PRKG1: variants seen among roughly 807,000 people sequenced by gnomAD.
The protein encoded by PRKG1 is protein kinase cGMP-dependent 1.
Under a neutral mutation model 88.1 loss-of-function variants are expected in PRKG1, and 35 were observed. The observed-to-expected ratio is 0.40, with a 90% CI of 0.30 to 0.53. The LOEUF (loss-of-function observed/expected upper bound fraction) is 0.53. Ranked by LOEUF, PRKG1 falls within the 20% of genes least tolerant of loss-of-function variation. The probability of loss-of-function intolerance (pLI) is 0.59; values close to 1 mark genes in which losing one functional copy is unlikely to be tolerated. For synonymous variants in PRKG1, 303 were observed against 292.5 expected (o/e 1.04, Z -0.37); for missense variants, 540 against 839.8 (o/e 0.64, Z 4.41).
At chr10:51,450,932 T>G (rs559698616) in intron 2 of PRKG1, among the ~76,000 whole-genome samples, 19 of 152,030 alleles carry the variant, frequency 1.2e-4, no homozygotes, top group African/African-American at 4.3e-4. Flanking sequence ...ATGAATAAAG[T>G]TAAACATTTT....
At chr10:51,048,871 CA>C (rs1166873217) in intron 1 of PRKG1, among the ~76,000 whole-genome samples, 2 of 150,606 alleles carry the variant, frequency 1.3e-5, no homozygotes. Context: ...TTTTTCTAAA[CA>C]AGTCTGTAAT....
chr10:51,293,819 G>C (rs974327650), intron 2 of PRKG1, among the ~76,000 whole-genome samples: 1 of 152,052 alleles, frequency 6.6e-6, no homozygotes, highest in Non-Finnish European at 1.5e-5. Flanking sequence ...GGCTATACCA[G>C]TTTACATTCC....
intron 1 of PRKG1, among the ~76,000 whole-genome samples, chr10:51,138,380 A>G (rs995017624): frequency 2.6e-5 from 4 of 152,190 alleles, no homozygotes; most frequent in African/African-American, 9.6e-5. Flanking sequence ...AATGAGGCTT[A>G]TATGATGCCA....
intron 2 of PRKG1, among the ~76,000 whole-genome samples, chr10:51,396,113 C>T (rs1046014098): frequency 6.6e-6 from 1 of 152,144 alleles, no homozygotes; most frequent in Non-Finnish European, 1.5e-5. Context: ...GGCCTAGCTG[C>T]CATGGCTAAT....
At chr10:52,022,596 T>G (rs1185870596) in intron 5 of PRKG1, among the ~76,000 whole-genome samples, 1 of 152,168 alleles carries the variant, frequency 6.6e-6, no homozygotes, top group East Asian at 1.9e-4. Context: ...CACATGGGAA[T>G]AGGCAGAATA....
intron 2 of PRKG1, among the ~76,000 whole-genome samples, chr10:51,219,717 AAAT>A (rs1264423674): frequency 1.3e-5 from 2 of 152,182 alleles, no homozygotes; most frequent in Admixed American, 6.5e-5. Context: ...CTCAAAAAAA[AAAT>A]AATAATAAAA....
chr10:52,196,856 C>T (rs1034494613), intron 9 of PRKG1, among the ~76,000 whole-genome samples: 27 of 152,080 alleles, frequency 1.8e-4, no homozygotes, highest in African/African-American at 6.3e-4. Flanking sequence ...TAGTGTCATG[C>T]TGAATAAATC....
At chr10:51,194,225 C>T (rs1837703732) in intron 2 of PRKG1, among the ~76,000 whole-genome samples, 2 of 148,042 alleles carry the variant, frequency 1.4e-5, no homozygotes, top group Admixed American at 6.7e-5. Flanking sequence ...CAAGGTTCAA[C>T]TTTTTTTTTA....
chr10:51,138,429 G>GT, intron 1 of PRKG1, among the ~76,000 whole-genome samples: 1 of 152,186 alleles, frequency 6.6e-6, no homozygotes, highest in South Asian at 2.1e-4. Context: ...TCTCTTTCAC[G>GT]TTCACTATTG....
chr10:52,151,168 T>G (rs1837903946), intron 8 of PRKG1, among the ~76,000 whole-genome samples: 1 of 151,756 alleles, frequency 6.6e-6, no homozygotes, highest in African/African-American at 2.4e-5. Flanking sequence ...GTGTGTAGAC[T>G]ATTTTGTACT....
chr10:51,277,275 T>C (rs1840148656), intron 2 of PRKG1, among the ~76,000 whole-genome samples: 1 of 152,324 alleles, frequency 6.6e-6, no homozygotes, highest in Middle Eastern at 3.4e-3. Flanking sequence ...TGGTTGTAGA[T>C]GTGTGGTATT....
At chr10:51,015,282 C>T (rs1370288776) in intron 1 of PRKG1, among the ~76,000 whole-genome samples, 1 of 152,196 alleles carries the variant, frequency 6.6e-6, no homozygotes, top group Non-Finnish European at 1.5e-5. Flanking sequence ...AACATTATTG[C>T]CCACTATATC....
intron 5 of PRKG1, among the ~76,000 whole-genome samples, chr10:52,008,723 T>G (rs367613942): frequency 1.1e-4 from 17 of 151,808 alleles, no homozygotes; most frequent in African/African-American, 4.1e-4. Context: ...AATTGTCAAG[T>G]TTCCTCCCCA....
At chr10:51,604,893 C>A (rs1039032439) in intron 3 of PRKG1, among the ~76,000 whole-genome samples, 3 of 152,222 alleles carry the variant, frequency 2.0e-5, no homozygotes, top group Non-Finnish European at 4.4e-5. Context: ...AGACCCTCTG[C>A]CTTATTGCAA....
intron 5 of PRKG1, among the ~76,000 whole-genome samples, chr10:52,005,471 C>T (rs370325977): frequency 1.1e-4 from 17 of 152,196 alleles, no homozygotes; most frequent in South Asian, 1.0e-3. Context: ...TGTGTGACCC[C>T]ACCCAACCCT....
chr10:51,255,352 A>G (rs1273874950), intron 2 of PRKG1, among the ~76,000 whole-genome samples: 1 of 152,134 alleles, frequency 6.6e-6, no homozygotes, highest in Admixed American at 6.6e-5. Context: ...GAATTTTAGA[A>G]CTGCAAGGGC....
At chr10:51,583,308 A>T (rs916649698) in intron 3 of PRKG1, among the ~76,000 whole-genome samples, 6 of 152,114 alleles carry the variant, frequency 3.9e-5, no homozygotes, top group Non-Finnish European at 7.4e-5. Flanking sequence ...GACTTCTCTG[A>T]GTCTTTTCTG....
intron 5 of PRKG1, among the ~76,000 whole-genome samples, chr10:51,974,221 A>G (rs1313974213): frequency 1.3e-5 from 2 of 152,136 alleles, no homozygotes; most frequent in African/African-American, 2.4e-5. Context: ...TACCTGCAAG[A>G]TTCTGGAACA....
At chr10:51,276,699 A>C (rs1373203938) in intron 2 of PRKG1, among the ~76,000 whole-genome samples, 1 of 152,122 alleles carries the variant, frequency 6.6e-6, no homozygotes, top group Non-Finnish European at 1.5e-5. Context: ...TTTGATTTGC[A>C]TTTCTCTGAT....
Sources: allele counts gnomAD v4.1 joint callset (sites outside exome capture counted in the v4.1 genomes callset), GRCh38; gene constraint gnomAD v4.1.1; transcripts MANE v1.5; gene names NCBI Gene and HGNC (gene_info 2026-07-23, HGNC 2026-07-21).